PLAC1: variants seen among roughly 807,000 people sequenced by gnomAD.
PLAC1 encodes placenta associated 1.
For synonymous variants in PLAC1, 68 were observed against 62.1 expected (o/e 1.09, Z -0.44); for missense variants, 136 against 163.2 (o/e 0.83, Z 0.91).
At chrX:134,731,014 C>A (rs1294209254) in intron 2 of PLAC1, among the ~76,000 whole-genome samples, 1 of 111,552 alleles carries the variant, frequency 9.0e-6, no homozygotes, top group African/African-American at 3.3e-5. Context: ...GTGCCCATAC[C>A]TGTATCATCC....
intron 1 of PLAC1, among the ~76,000 whole-genome samples, chrX:134,763,641 T>C (rs952680556): frequency 1.5e-4 from 16 of 109,921 alleles, no homozygotes; most frequent in African/African-American, 5.3e-4. Context: ...GCTAACACGG[T>C]GAAACCCCAT....
intron 2 of PLAC1, among the ~76,000 whole-genome samples, chrX:134,679,555 C>T (rs905244846): frequency 1.1e-4 from 12 of 111,393 alleles, no homozygotes; most frequent in African/African-American, 3.9e-4. Context: ...AGACATTTTT[C>T]GTTGTCACAC....
intron 2 of PLAC1, among the ~76,000 whole-genome samples, chrX:134,569,978 C>T (rs907957206): frequency 1.5e-4 from 16 of 110,230 alleles, no homozygotes; most frequent in East Asian, 2.9e-4. Flanking sequence ...GGCAGGCACC[C>T]GCCACCATGC....
At chrX:134,635,416 C>T (rs2078278802) in intron 1 of PLAC1, among the ~76,000 whole-genome samples, 1 of 110,874 alleles carries the variant, frequency 9.0e-6, no homozygotes, top group African/African-American at 3.3e-5. Context: ...TGACTCACTG[C>T]AGCCTCAGTC....
chrX:134,748,844 G>A (rs769487588), intron 1 of PLAC1, among the ~76,000 whole-genome samples: 4 of 112,025 alleles, frequency 3.6e-5, no homozygotes, highest in South Asian at 7.5e-4. Context: ...ATCCCTAGCT[G>A]GAACTATAGA....
chrX:134,695,059 A>G (rs2078557830), intron 2 of PLAC1, among the ~76,000 whole-genome samples: 1 of 112,089 alleles, frequency 8.9e-6, no homozygotes, highest in Admixed American at 9.5e-5. Flanking sequence ...GACCTGGAGC[A>G]ATTACACTGT....
chrX:134,591,432 G>A (rs1230125541), intron 2 of PLAC1, among the ~76,000 whole-genome samples: 1 of 112,664 alleles, frequency 8.9e-6, no homozygotes, highest in Non-Finnish European at 1.9e-5. Flanking sequence ...GAGGAGTGAG[G>A]AGTGGAGATC....
intron 2 of PLAC1, among the ~76,000 whole-genome samples, chrX:134,714,395 T>C (rs903057198): frequency 9.2e-6 from 1 of 108,590 alleles, no homozygotes; most frequent in African/African-American, 3.4e-5. Context: ...GAGTAGAAAA[T>C]AGAATCCCTG....
intron 2 of PLAC1, among the ~76,000 whole-genome samples, chrX:134,587,021 A>T (rs1195190530): frequency 9.0e-6 from 1 of 110,628 alleles, no homozygotes; most frequent in Admixed American, 9.8e-5. Flanking sequence ...ATGGAGTACT[A>T]ACAACATGCC....
At chrX:134,761,296 G>C (rs1343526146) in intron 1 of PLAC1, among the ~76,000 whole-genome samples, 1 of 111,814 alleles carries the variant, frequency 8.9e-6, no homozygotes, top group Admixed American at 9.5e-5. Flanking sequence ...TGACAGCTAG[G>C]GGATGAAAGT....
intron 1 of PLAC1, among the ~76,000 whole-genome samples, chrX:134,745,572 T>G (rs761880602): frequency 8.9e-6 from 1 of 112,040 alleles, no homozygotes; most frequent in South Asian, 3.8e-4. Context: ...CTACCATAAA[T>G]AATTGGCCAG....
intron 2 of PLAC1, among the ~76,000 whole-genome samples, chrX:134,583,926 A>G (rs2077987377): frequency 9.1e-6 from 1 of 110,476 alleles, no homozygotes; most frequent in South Asian, 4.0e-4. Flanking sequence ...GAGAAAACAA[A>G]CGACTTCTGT....
intron 1 of PLAC1, among the ~76,000 whole-genome samples, chrX:134,654,783 G>A (rs959890186): frequency 8.9e-5 from 10 of 112,399 alleles, no homozygotes; most frequent in Admixed American, 4.7e-4. Flanking sequence ...TCGCTTAGCT[G>A]ACGTCTGTGG....
chrX:134,615,792 TG>T (rs2078176326), intron 1 of PLAC1, among the ~76,000 whole-genome samples: 1 of 111,543 alleles, frequency 9.0e-6, no homozygotes, highest in Non-Finnish European at 1.9e-5. Context: ...CTTTTGAATG[TG>T]GATATCCAGT....
chrX:134,752,407 G>A (rs747816736), intron 1 of PLAC1, among the ~76,000 whole-genome samples: 1 of 111,670 alleles, frequency 9.0e-6, no homozygotes, highest in South Asian at 3.7e-4. Flanking sequence ...TTACATGAAG[G>A]AAGTTGACAG....
At chrX:134,714,899 G>A (rs2078638921) in intron 2 of PLAC1, among the ~76,000 whole-genome samples, 1 of 111,948 alleles carries the variant, frequency 8.9e-6, no homozygotes, top group African/African-American at 3.3e-5. Context: ...TCCGTTGATA[G>A]ACATTTGGGT....
chrX:134,710,095 CAG>C (rs2078623513), intron 2 of PLAC1, among the ~76,000 whole-genome samples: 1 of 111,061 alleles, frequency 9.0e-6, no homozygotes, highest in African/African-American at 3.3e-5. Context: ...GAAAAAGAAA[CAG>C]AGTCAAAAAA....
chrX:134,762,821 C>CAAAAAAAAAAA (rs60721487), intron 1 of PLAC1, among the ~76,000 whole-genome samples: 73 of 14,800 alleles, frequency 4.9e-3, no homozygotes, highest in Non-Finnish European at 9.1e-3. Flanking sequence ...GGCTCTATCT[C>CAAAAAAAAAAA]AAAAAAAAAA....
intron 1 of PLAC1, among the ~76,000 whole-genome samples, chrX:134,738,197 A>G (rs1222349813): frequency 9.0e-6 from 1 of 111,711 alleles, no homozygotes; most frequent in African/African-American, 3.3e-5. Context: ...AAAAGGAGAA[A>G]GGTCAATTAT....
Sources: gnomAD v4.1 joint callset for allele counts (sites outside exome capture counted in the v4.1 genomes callset) on GRCh38, gnomAD v4.1.1 for gene constraint, MANE v1.5 for transcripts, NCBI Gene and HGNC (gene_info 2026-07-23, HGNC 2026-07-21) for gene names.